Variants in LMTK2 observed in about 807,000 individuals in gnomAD.
The protein encoded by LMTK2 is serine/threonine-protein kinase LMTK2.
In LMTK2, 37 loss-of-function variants were observed where a neutral mutation model predicts 127.5. The ratio of observed to expected loss-of-function variants is 0.29; its 90% CI spans 0.22 to 0.38. The LOEUF (loss-of-function observed/expected upper bound fraction) is 0.38, where lower values mean the gene tolerates loss of function less well. Among genes scored for constraint, LMTK2 ranks in the 10% least tolerant of loss-of-function variants. The pLI, the probability that LMTK2 is intolerant of heterozygous loss-of-function variation, is 1.00. For synonymous variants in LMTK2, 819 were observed against 810.1 expected (o/e 1.01, Z -0.19); for missense variants, 1,694 against 1,920.3 (o/e 0.88, Z 2.20).
chr7:98,167,437 G>A (rs1419105346), intron 6 of LMTK2, among the ~76,000 whole-genome samples: 1 of 152,194 alleles, frequency 6.6e-6, no homozygotes, highest in African/African-American at 2.4e-5. Flanking sequence ...GATGCAGGGA[G>A]GCCGCAGGGA....
At chr7:98,116,420 T>A (rs1796285660) in intron 1 of LMTK2, among the ~76,000 whole-genome samples, 2 of 149,872 alleles carry the variant, frequency 1.3e-5, no homozygotes, top group African/African-American at 4.9e-5. Context: ...GTGCGTGTGT[T>A]TGTGCGTGTG....
At chr7:98,161,448 C>T (rs1797015166) in intron 6 of LMTK2, among the ~76,000 whole-genome samples, 1 of 152,100 alleles carries the variant, frequency 6.6e-6, no homozygotes, top group South Asian at 2.1e-4. Context: ...GGGCACTTAA[C>T]TGAAGTAAGG....
chr7:98,208,366 G>A lies in LMTK2; in HGVS notation c.*2874G>A, dbSNP rs938286331. On this transcript the variant is annotated 3_prime_UTR_variant, in exon 14 of 14. Transcript: ENST00000297293. ...CATTTTTGAAATGTCAGCATGTGCT[G>A]TGTTCAGTTCAGGTTTTTGTTGTTT... 1 of 152,188 alleles carries A rather than the reference G, an allele frequency of 6.6e-6. No homozygotes were observed. The highest frequency in any genetic ancestry group is 1.5e-5 in the Non-Finnish European group (1 of 68,048). 9.4% of individuals were successfully genotyped at this position (152,188 alleles called of 1,614,324 possible). A position where few individuals can be genotyped will look rare whatever the true frequency, so the allele number is the denominator to read the frequency against.
At chr7:98,130,249 T>G (rs1300103390) in intron 1 of LMTK2, among the ~76,000 whole-genome samples, 2 of 152,058 alleles carry the variant, frequency 1.3e-5, no homozygotes, top group African/African-American at 2.4e-5. Flanking sequence ...TGAAGCCTTA[T>G]GAAGGAATTT....
At chr7:98,166,411 A>C (rs534384768) in intron 6 of LMTK2, among the ~76,000 whole-genome samples, 1 of 152,218 alleles carries the variant, frequency 6.6e-6, no homozygotes, top group Non-Finnish European at 1.5e-5. Context: ...AAAAAGAAAA[A>C]CACTTTTAAT....
chr7:98,200,079 T>C (rs909215642), intron 11 of LMTK2, among the ~76,000 whole-genome samples: 11 of 152,206 alleles, frequency 7.2e-5, no homozygotes, highest in African/African-American at 2.7e-4. Context: ...ACATTTTTCT[T>C]TTTCTTTTTT....
chr7:98,171,710 G>A lies in LMTK2; in HGVS notation c.791+36G>A. 6.5e-7 allele frequency: 1 copy of A among 1,527,512 alleles called. No homozygotes were observed. The highest frequency in any genetic ancestry group is 8.8e-7 in the Non-Finnish European group (1 of 1,142,690). The allele number at this position is 1,527,512 out of a possible 1,614,324, so 94.6% of individuals were successfully genotyped here. A position where few individuals can be genotyped will look rare whatever the true frequency, so the allele number is the denominator to read the frequency against. On this transcript the variant is annotated intron_variant, in intron 7 of 13. Transcript: ENST00000297293. This position sits in a 1 kb window ranked among gnomAD's most constrained non-coding sequence, Gnocchi z 5.1. Reference sequence around the variant, plus strand: ...GCGTCAGCGGTGCACGCCCCACACAGCACCGGCGGGACAGTCCAGAGAGGC... The same window carrying A: ...GCGTCAGCGGTGCACGCCCCACACAACACCGGCGGGACAGTCCAGAGAGGC...
chr7:98,163,195 G>T (rs1797040420), intron 6 of LMTK2, among the ~76,000 whole-genome samples: 2 of 152,170 alleles, frequency 1.3e-5, no homozygotes, highest in Non-Finnish European at 2.9e-5. Context: ...AAGTTCTGGA[G>T]GGGGCTGGTG....
chr7:98,179,299 A>C (rs1250331982), intron 7 of LMTK2, among the ~76,000 whole-genome samples: 1 of 152,212 alleles, frequency 6.6e-6, no homozygotes, highest in East Asian at 1.9e-4. Flanking sequence ...ACATCGCCCA[A>C]GCTAGCCTCA....
At chr7:98,182,060 G>A (rs1797364032) in intron 7 of LMTK2, among the ~76,000 whole-genome samples, 1 of 152,192 alleles carries the variant, frequency 6.6e-6, no homozygotes, top group South Asian at 2.1e-4. Flanking sequence ...TGCAAAAAAT[G>A]AAGTTGAACC....
chr7:98,107,152 G>A lies in LMTK2; in HGVS notation c.-26G>A, dbSNP rs1258549622. The A allele has an allele frequency of 1.4e-5, 20 of 1,411,184 alleles. No homozygotes were observed. The highest frequency in any genetic ancestry group is 1.7e-5 in the Non-Finnish European group (18 of 1,088,814). The allele number at this position is 1,411,184 out of a possible 1,614,324, so 87.4% of individuals were successfully genotyped here. A position where few individuals can be genotyped will look rare whatever the true frequency, so the allele number is the denominator to read the frequency against. The stretch of plus-strand genomic sequence containing the variant: ...ACGGACGGAAGGCGACTCGAGGGCC[G>A]GCCCCGGAGCCGCGCCGTGGGCGAG... On this transcript the variant is annotated 5_prime_UTR_variant, in exon 1 of 14. Transcript: ENST00000297293.
intron 1 of LMTK2, among the ~76,000 whole-genome samples, chr7:98,136,230 G>A (rs1441020665): frequency 3.9e-5 from 6 of 152,184 alleles, no homozygotes; most frequent in Non-Finnish European, 7.3e-5. Flanking sequence ...ATAAATATCC[G>A]TGAGTCCATA....
chr7:98,157,957 T>G (rs1796954608), intron 5 of LMTK2, among the ~76,000 whole-genome samples: 1 of 152,194 alleles, frequency 6.6e-6, no homozygotes, highest in Non-Finnish European at 1.5e-5. Context: ...CAGTGGCAGT[T>G]CCCGGGTTTG....
chr7:98,138,787 T>TC (rs1445031509), intron 2 of LMTK2, among the ~76,000 whole-genome samples: 1 of 152,194 alleles, frequency 6.6e-6, no homozygotes, highest in East Asian at 1.9e-4. Context: ...TTGCCTTAGA[T>TC]CATGCAAAGC....
intron 1 of LMTK2, among the ~76,000 whole-genome samples, chr7:98,119,604 A>G (rs1219928294): frequency 6.6e-6 from 1 of 152,234 alleles, no homozygotes; most frequent in Non-Finnish European, 1.5e-5. Flanking sequence ...TATCAGGGAA[A>G]ACAGCAGGTA....
chr7:98,156,413 C>A (rs975326094), intron 5 of LMTK2, among the ~76,000 whole-genome samples: 1 of 151,314 alleles, frequency 6.6e-6, no homozygotes, highest in Admixed American at 6.6e-5. Flanking sequence ...TGCAGTGAGC[C>A]GAGATCACGC....
chr7:98,129,270 A>G (rs1290518489), intron 1 of LMTK2, among the ~76,000 whole-genome samples: 1 of 151,954 alleles, frequency 6.6e-6, no homozygotes, highest in Admixed American at 6.6e-5. Flanking sequence ...ATTTTTTTGT[A>G]GAGACCCAGG....
At chr7:98,124,759 G>A (rs1796418477) in intron 1 of LMTK2, among the ~76,000 whole-genome samples, 1 of 151,582 alleles carries the variant, frequency 6.6e-6, no homozygotes, top group Admixed American at 6.6e-5. Flanking sequence ...GATTCCAGCC[G>A]AGGTGACAGA....
intron 6 of LMTK2, among the ~76,000 whole-genome samples, chr7:98,167,477 G>A (rs1313504025): frequency 6.6e-6 from 1 of 152,250 alleles, no homozygotes; most frequent in Non-Finnish European, 1.5e-5. Flanking sequence ...TCAAGGTGGG[G>A]TGGTGCTGGG....
Sources: allele counts gnomAD v4.1 joint callset (sites outside exome capture counted in the v4.1 genomes callset), GRCh38; gene constraint gnomAD v4.1.1; non-coding constraint Gnocchi (gnomAD v3.1); transcripts MANE v1.5; gene names NCBI Gene and HGNC (gene_info 2026-07-23, HGNC 2026-07-21).